The following TNS3 variants were observed in gnomAD, a reference collection of about 807,000 sequenced individuals.
The protein encoded by TNS3 is tensin 3.
A neutral mutation model predicts 140.9 loss-of-function variants in TNS3; 45 were observed. The ratio of observed to expected loss-of-function variants is 0.32; its 90% CI spans 0.25 to 0.41. The LOEUF is 0.41. Ranked by LOEUF, TNS3 falls within the 10% of genes least tolerant of loss-of-function variation. TNS3 has a pLI of 1.00. For synonymous variants in TNS3, 815 were observed against 788.4 expected (o/e 1.03, Z -0.56); for missense variants, 1,716 against 1,906.7 (o/e 0.90, Z 1.86).
At chr7:47,397,574 T>C (rs1357167610) in intron 15 of TNS3, among the ~76,000 whole-genome samples, 2 of 152,240 alleles carry the variant, frequency 1.3e-5, no homozygotes, top group African/African-American at 4.8e-5. Flanking sequence ...CTTTTTAAAA[T>C]GCTGGTTACT....
chr7:47,369,031 G>A lies in TNS3; in HGVS notation c.1615C>T (p.Pro539Ser). ...VGEDPQGTLV[P>S]DLGLGMDGPY... ...CCGTCCATGCCAAGGCCCAGGTCCG[G>A]AACGAGGGTGCCCTGCGGATCTTCA... Residue 539 changes from proline (P) to serine (S), a missense_variant, in exon 17 of 31, where the codon CCG becomes TCG. Physicochemically the swap from Pro to Ser is moderately conservative, Grantham distance 74. Around this residue, in one of 3 missense-constraint regions of TNS3, gnomAD observed 1,163 missense variants for 1,182.1 expected, o/e 0.98. Transcript: ENST00000311160. 6.2e-7 allele frequency: 1 copy of A among 1,614,020 alleles called. No individual in the cohort carries two copies. Among genetic ancestry groups the A allele is most frequent in the South Asian group, 1.1e-5 (1 of 91,084 alleles).
intron 4 of TNS3, among the ~76,000 whole-genome samples, chr7:47,469,406 C>A (rs958164689): frequency 1.3e-5 from 2 of 152,126 alleles, no homozygotes; most frequent in Non-Finnish European, 2.9e-5. Flanking sequence ...AAACATCAGA[C>A]GTCGGCTAGG....
chr7:47,495,139 C>G (rs1797955805), intron 3 of TNS3, among the ~76,000 whole-genome samples: 1 of 147,626 alleles, frequency 6.8e-6, no homozygotes, highest in South Asian at 2.2e-4. Flanking sequence ...TGCAGTGAGC[C>G]GAGATTGCGC....
chr7:47,558,501 C>T (rs75553184), intron 1 of TNS3, among the ~76,000 whole-genome samples: 1,921 of 152,182 alleles, frequency 0.013, 40 homozygotes, highest in African/African-American at 0.043. Flanking sequence ...CACCTCCCCA[C>T]CCTGCAGTGG....
chr7:47,291,502 T>C (rs1336864660), intron 27 of TNS3, among the ~76,000 whole-genome samples: 1 of 77,110 alleles, frequency 1.3e-5, no homozygotes, highest in Non-Finnish European at 2.6e-5. Context: ...AGAAACTCTA[T>C]GAATAATTTT....
chr7:47,571,011 C>G (rs931708356), intron 1 of TNS3, among the ~76,000 whole-genome samples: 1 of 152,136 alleles, frequency 6.6e-6, no homozygotes, highest in Non-Finnish European at 1.5e-5. Context: ...CTGGACCACT[C>G]TGGAAGGGAC....
intron 12 of TNS3, among the ~76,000 whole-genome samples, chr7:47,412,148 T>C (rs1353849681): frequency 6.6e-6 from 1 of 151,972 alleles, no homozygotes; most frequent in Non-Finnish European, 1.5e-5. Context: ...AATTCCAGAG[T>C]GACATCAGTG....
chr7:47,531,406 C>CA (rs919351679), intron 1 of TNS3, among the ~76,000 whole-genome samples: 70 of 151,666 alleles, frequency 4.6e-4, no homozygotes, highest in African/African-American at 1.5e-3. Context: ...AATTAAAGCC[C>CA]AAAAAAAATC....
At chr7:47,475,211 A>T (rs1797143367) in intron 4 of TNS3, among the ~76,000 whole-genome samples, 1 of 152,254 alleles carries the variant, frequency 6.6e-6, no homozygotes, top group Non-Finnish European at 1.5e-5. Flanking sequence ...CTCCAGCCTC[A>T]GGCTGAAATG....
intron 16 of TNS3, among the ~76,000 whole-genome samples, chr7:47,391,803 C>CA (rs1792534403): frequency 6.6e-6 from 1 of 152,168 alleles, no homozygotes; most frequent in Non-Finnish European, 1.5e-5. Flanking sequence ...GAAATCCCCC[C>CA]ACCCACAGCC....
chr7:47,398,635 A>G (rs1277167848), intron 15 of TNS3, among the ~76,000 whole-genome samples: 1 of 152,236 alleles, frequency 6.6e-6, no homozygotes, highest in East Asian at 1.9e-4. Flanking sequence ...CTTTATGATA[A>G]AAACACTCAA....
At chr7:47,389,068 A>AGAG (rs1401617050) in intron 16 of TNS3, among the ~76,000 whole-genome samples, 11 of 59,832 alleles carry the variant, frequency 1.8e-4, no homozygotes, top group South Asian at 2.0e-3. Context: ...AAGAAGAAGA[A>AGAG]GAAGAAGAAG....
chr7:47,311,453 T>TAGAG (rs899447132), intron 20 of TNS3, among the ~76,000 whole-genome samples: 1 of 149,662 alleles, frequency 6.7e-6, no homozygotes, highest in African/African-American at 2.5e-5. Context: ...CATATATATA[T>TAGAG]AGAGAGAGAG....
intron 4 of TNS3, among the ~76,000 whole-genome samples, chr7:47,457,916 C>A (rs923602470): frequency 2.0e-5 from 3 of 152,152 alleles, no homozygotes; most frequent in Non-Finnish European, 4.4e-5. Flanking sequence ...TCCTCAGGTG[C>A]ACCCTGAACT....
chr7:47,524,171 G>A (rs1201672851), intron 2 of TNS3, among the ~76,000 whole-genome samples: 6 of 152,314 alleles, frequency 3.9e-5, no homozygotes, highest in East Asian at 3.9e-4. Context: ...CTGGGGAGGC[G>A]GTGGTCCCGT....
At chr7:47,487,647 G>C (rs1051474459) in intron 3 of TNS3, among the ~76,000 whole-genome samples, 3 of 152,234 alleles carry the variant, frequency 2.0e-5, no homozygotes, top group Admixed American at 2.0e-4. Flanking sequence ...AGACAAACGG[G>C]CCAGCCACTG....
At chr7:47,291,622 G>C (rs994564639) in intron 27 of TNS3, among the ~76,000 whole-genome samples, 1 of 152,108 alleles carries the variant, frequency 6.6e-6, no homozygotes, top group African/African-American at 2.4e-5. Context: ...GACTTGTTGA[G>C]TCATGTCTCT....
Position 47,396,879 on chromosome 7 carries a change from G to T in TNS3, c.945C>A (p.His315Gln). The part of the protein sequence containing the change: ...IQGSEHLYND[H>Q]GVIVDYNTTD... ...TTGTGTTGTAGTCCACAATCACACC[G>T]TGGTCGTTGTACAAGTGTTCGGACC... The change falls in exon 16 of 31, where the codon CAC (histidine) becomes CAA (glutamine). Residue 315 changes from histidine to glutamine, a missense_variant. This residue lies in a region of TNS3 where 337 missense variants were observed against 428.9 expected (regional missense o/e 0.79). Transcript: ENST00000311160. 6.2e-7 allele frequency: 1 copy of T among 1,614,074 alleles called. No homozygotes were observed. The highest frequency in any genetic ancestry group is 1.1e-5 in the South Asian group (1 of 91,068).
intron 10 of TNS3, among the ~76,000 whole-genome samples, chr7:47,418,699 T>C (rs1794213694): frequency 6.6e-6 from 1 of 152,246 alleles, no homozygotes; most frequent in Non-Finnish European, 1.5e-5. Flanking sequence ...TTTTTAAACT[T>C]GTAAGCAAAC....
Sources: allele counts gnomAD v4.1 joint callset (sites outside exome capture counted in the v4.1 genomes callset), GRCh38; gene constraint gnomAD v4.1.1; regional missense constraint gnomAD v4.1.1; transcripts MANE v1.5; gene names NCBI Gene and HGNC (gene_info 2026-07-23, HGNC 2026-07-21).